ZNF831: variants seen among roughly 807,000 people sequenced by gnomAD.
The protein encoded by ZNF831 is zinc finger protein 831, also known as chromosome 20 open reading frame 174.
ZNF831 carries 59 observed loss-of-function variants against 95.8 expected under a neutral mutation model. That is an observed-to-expected ratio of 0.62 (90% CI 0.50 to 0.77). The LOEUF (loss-of-function observed/expected upper bound fraction) is 0.77. Among genes scored for constraint, ZNF831 ranks in the 30% least tolerant of loss-of-function variants. The pLI is 0.00. For missense variants in ZNF831, 2,205 were observed against 2,164.0 expected (o/e 1.02, Z -0.38); for synonymous variants, 961 against 925.5 (o/e 1.04, Z -0.70).
chr20:59,143,636 C>T (rs531772603), intron 1 of ZNF831, among the ~76,000 whole-genome samples: 9 of 152,296 alleles, frequency 5.9e-5, no homozygotes, highest in South Asian at 2.1e-4. Context: ...ATTGCACCTT[C>T]GGGGTCCTTC....
rs765233685 is a variant in ZNF831, at chr20:59,193,793, C to T, written c.2774C>T (p.Ala925Val). 3.7e-6 allele frequency: 6 copies of T among 1,610,094 alleles called. No homozygotes were observed. In the East Asian group the frequency reaches 8.9e-5, roughly 24 times the overall value. ...EHPSLATPPQ[A>V]PRVLSALADN... ...CCCTCGCTGGCCACCCCACCTCAGG[C>T]TCCTAGAGTGCTCTCTGCCCTGGCA... is the stretch of plus-strand genomic sequence containing the variant. The change falls in exon 2 of 6, where the codon GCT becomes GTT. Residue 925 changes from alanine to valine, a missense_variant. Coordinates refer to ENST00000371030, the MANE Select transcript of ZNF831 (RefSeq NM_178457.3).
rs2146582444 is a variant in ZNF831 at position 59,193,385 on chromosome 20, C to G, written c.2366C>G (p.Ala789Gly). 2 of 1,604,686 alleles carry G rather than the reference C, an allele frequency of 1.2e-6. No individual in the cohort carries two copies. Among genetic ancestry groups the G allele is most frequent in the Non-Finnish European group, 1.7e-6 (2 of 1,175,430 alleles). The change falls in exon 2 of 6, where the codon GCC becomes GGC. Residue 789 changes from alanine to glycine, a missense_variant. Ala to Gly is a moderately conservative substitution (Grantham distance 60). Transcript: ENST00000371030. Reference protein sequence around the residue: ...VWPDPKLEGGARGVGDVQETC... With the variant: ...VWPDPKLEGGGRGVGDVQETC... ...CCGGACCCCAAGCTGGAAGGAGGTG[C>G]CCGAGGTGTGGGGGATGTTCAGGAG...
At chr20:59,229,902 T>A (rs1986633276) in intron 4 of ZNF831, among the ~76,000 whole-genome samples, 1 of 152,106 alleles carries the variant, frequency 6.6e-6, no homozygotes, top group Non-Finnish European at 1.5e-5. Context: ...TGTCTAGAAC[T>A]GGGTCACAAG....
At chr20:59,250,789 T>C (rs755615712) in intron 4 of ZNF831, among the ~76,000 whole-genome samples, 110 of 152,210 alleles carry the variant, frequency 7.2e-4, no homozygotes, top group Non-Finnish European at 1.2e-3. Context: ...TAGAAACTCA[T>C]TGGAATATAA....
chr20:59,220,994 G>T (rs1986037392), intron 4 of ZNF831, among the ~76,000 whole-genome samples: 1 of 152,166 alleles, frequency 6.6e-6, no homozygotes, highest in Non-Finnish European at 1.5e-5. Flanking sequence ...TGGTGCCCAA[G>T]AACCCCATGA....
chr20:59,194,921 A>G (rs1438923304), intron 2 of ZNF831, among the ~76,000 whole-genome samples, 164 bp downstream of exon 2: 3 of 152,240 alleles, frequency 2.0e-5, no homozygotes, highest in Non-Finnish European at 4.4e-5. Flanking sequence ...GACAGCAGGA[A>G]GGAATAAAGG....
At chr20:59,131,477 C>T (rs1979349991) in intron 1 of ZNF831, among the ~76,000 whole-genome samples, 2 of 152,168 alleles carry the variant, frequency 1.3e-5, no homozygotes, top group Non-Finnish European at 2.9e-5. Flanking sequence ...GGTGGAATTC[C>T]TTACTTACTG....
chr20:59,126,536 T>C (rs1979175554), intron 1 of ZNF831, among the ~76,000 whole-genome samples: 6 of 152,212 alleles, frequency 3.9e-5, no homozygotes, highest in Admixed American at 3.9e-4. Flanking sequence ...GATTCTATAC[T>C]CTCCTCCAGC....
intron 4 of ZNF831, among the ~76,000 whole-genome samples, chr20:59,228,310 C>T (rs948913204): frequency 1.3e-5 from 2 of 152,052 alleles, no homozygotes; most frequent in African/African-American, 4.8e-5. Context: ...ATCTGTGGAG[C>T]CAGCTGGGGG....
At chr20:59,159,294 C>T (rs114827414), upstream of ZNF831, among the ~76,000 whole-genome samples, 226 of 152,072 alleles carry the variant, frequency 1.5e-3, no homozygotes, top group African/African-American at 5.3e-3. Flanking sequence ...GGCCCAACAG[C>T]GCCCCTCTCC....
At chr20:59,207,674 A>G (rs1003053069) in intron 4 of ZNF831, among the ~76,000 whole-genome samples, 3 of 152,082 alleles carry the variant, frequency 2.0e-5, no homozygotes, top group African/African-American at 7.2e-5. Flanking sequence ...CTGGATCTCA[A>G]TTTCCTCTTC....
intron 2 of ZNF831, among the ~76,000 whole-genome samples, chr20:59,149,865 C>T (rs545155953): frequency 2.6e-5 from 4 of 152,342 alleles, no homozygotes; most frequent in East Asian, 1.9e-4. Context: ...AAATCTGAGC[C>T]GAGGCCCTGA....
In ZNF831 at chr20:59,139,680, C is replaced by T. The variant is rs1240869977; in HGVS notation, c.-1424-6551C>T. ...GACAGACTGGAGGACTGGAGCAAGTCAAATATGTTTAGTGACATTGCTGAA... is the reference window on the plus strand; with the variant it reads ...GACAGACTGGAGGACTGGAGCAAGTTAAATATGTTTAGTGACATTGCTGAA... On this transcript the variant is annotated intron_variant, in intron 1 of 7. Transcript: ENST00000637017. Among the ~76,000 whole-genome samples, 3 of 152,160 alleles carry T rather than the reference C, an allele frequency of 2.0e-5. No homozygotes were observed. In the East Asian group the frequency reaches 5.8e-4, roughly 29 times the overall value.
intron 4 of ZNF831, among the ~76,000 whole-genome samples, chr20:59,232,904 G>T (rs181521935): frequency 6.6e-6 from 1 of 150,960 alleles, no homozygotes. Context: ...TCCTAAACTC[G>T]GTGCTTGTAG....
chr20:59,140,067 A>G (rs980423709), intron 1 of ZNF831, among the ~76,000 whole-genome samples: 1 of 152,222 alleles, frequency 6.6e-6, no homozygotes, highest in African/African-American at 2.4e-5. Context: ...ATAAGAATGC[A>G]TTGTGTCATG....
intron 1 of ZNF831, among the ~76,000 whole-genome samples, chr20:59,123,825 G>A (rs529048191): frequency 3.7e-4 from 56 of 152,264 alleles, no homozygotes; most frequent in Middle Eastern, 3.4e-3. Flanking sequence ...GTCTCTAATC[G>A]GGGCATTTGA....
upstream of ZNF831, among the ~76,000 whole-genome samples, chr20:59,158,858 T>C (rs776741428): frequency 4.9e-4 from 75 of 152,276 alleles, no homozygotes; most frequent in Non-Finnish European, 9.6e-4. Context: ...CCCCGCAGCA[T>C]CTTACATGCG....
At chr20:59,250,244 G>C (rs1987816283) in intron 4 of ZNF831, among the ~76,000 whole-genome samples, 1 of 152,118 alleles carries the variant, frequency 6.6e-6, no homozygotes, top group African/African-American at 2.4e-5. Flanking sequence ...TTGAAAATGG[G>C]GTTTGAGCAA....
intron 4 of ZNF831, among the ~76,000 whole-genome samples, chr20:59,242,719 G>A (rs577461932): frequency 4.6e-5 from 7 of 152,294 alleles, no homozygotes; most frequent in East Asian, 3.9e-4. Context: ...GAAGTACCCT[G>A]GTATGGGTTG....
Sources: gnomAD v4.1 joint callset for allele counts (sites outside exome capture counted in the v4.1 genomes callset) on GRCh38, gnomAD v4.1.1 for gene constraint, MANE v1.5 for transcripts, NCBI Gene and HGNC (gene_info 2026-07-23, HGNC 2026-07-21) for gene names.